EXOC6B: variants seen among roughly 807,000 people sequenced by gnomAD.
The protein encoded by EXOC6B is SEC15 homolog B.
In EXOC6B, 54 loss-of-function variants were observed where a neutral mutation model predicts 113.5. That is an observed-to-expected ratio of 0.48 (90% CI 0.38 to 0.60). EXOC6B has a LOEUF of 0.60. Ranked by LOEUF, EXOC6B falls within the 20% of genes least tolerant of loss-of-function variation. EXOC6B has a pLI of 0.00. For missense variants in EXOC6B, 797 were observed against 977.5 expected (o/e 0.82, Z 2.46); for synonymous variants, 357 against 339.0 (o/e 1.05, Z -0.58).
At chr2:72,777,540 C>G (rs910501045) in intron 1 of EXOC6B, among the ~76,000 whole-genome samples, 59 of 152,116 alleles carry the variant, frequency 3.9e-4, no homozygotes, top group Non-Finnish European at 5.9e-5. Context: ...GACTCTGTCA[C>G]TAGTAAACCT....
chr2:72,448,682 TA>T (rs537706468), intron 18 of EXOC6B, among the ~76,000 whole-genome samples: 46 of 147,792 alleles, frequency 3.1e-4, no homozygotes, highest in African/African-American at 5.2e-4. Context: ...TTTGTACTAC[TA>T]AAAAAAAAAC....
At chr2:72,336,717 A>G (rs1688713292) in intron 19 of EXOC6B, among the ~76,000 whole-genome samples, 1 of 152,142 alleles carries the variant, frequency 6.6e-6, no homozygotes, top group Admixed American at 6.6e-5. Flanking sequence ...TTAAAAGAGT[A>G]AAATTCTGGC....
chr2:72,753,613 T>C (rs1682201651), intron 1 of EXOC6B, among the ~76,000 whole-genome samples: 3 of 152,178 alleles, frequency 2.0e-5, no homozygotes, highest in Admixed American at 1.3e-4. Context: ...TACTTGGAAA[T>C]TGAAAGACAG....
intron 20 of EXOC6B, among the ~76,000 whole-genome samples, chr2:72,299,862 A>G (rs1686392519): frequency 6.6e-6 from 1 of 152,158 alleles, no homozygotes; most frequent in Non-Finnish European, 1.5e-5. Flanking sequence ...GGGTATCACC[A>G]GTGGAGGCTG....
At chr2:72,812,050 A>T (rs1341399907) in intron 1 of EXOC6B, among the ~76,000 whole-genome samples, 1 of 152,206 alleles carries the variant, frequency 6.6e-6, no homozygotes, top group African/African-American at 2.4e-5. Flanking sequence ...CCAGTGAAAT[A>T]AGGAAATAAA....
intron 18 of EXOC6B, among the ~76,000 whole-genome samples, chr2:72,453,638 T>C (rs552760991): frequency 1.3e-5 from 2 of 152,326 alleles, no homozygotes; most frequent in South Asian, 4.1e-4. Context: ...CACTGAATAA[T>C]AGTATTAAAG....
At chr2:72,235,119 T>G (rs956033831) in intron 20 of EXOC6B, among the ~76,000 whole-genome samples, 1 of 152,192 alleles carries the variant, frequency 6.6e-6, no homozygotes, top group Non-Finnish European at 1.5e-5. Context: ...GCAGCACTAT[T>G]CACAATAACA....
intron 6 of EXOC6B, among the ~76,000 whole-genome samples, chr2:72,660,344 T>G (rs749511280): frequency 1.3e-5 from 2 of 152,344 alleles, no homozygotes; most frequent in Non-Finnish European, 1.5e-5. Flanking sequence ...TAGTCTTTTC[T>G]ATTCTCCTAA....
At chr2:72,396,124 C>T (rs1692711300) in intron 18 of EXOC6B, among the ~76,000 whole-genome samples, 1 of 152,002 alleles carries the variant, frequency 6.6e-6, no homozygotes, top group African/African-American at 2.4e-5. Flanking sequence ...GAGAAGAGAA[C>T]ATGAAATGTA....
chr2:72,590,411 A>G (rs1705865083), intron 6 of EXOC6B, among the ~76,000 whole-genome samples: 1 of 151,752 alleles, frequency 6.6e-6, no homozygotes, highest in South Asian at 2.1e-4. Flanking sequence ...ATCAATACAT[A>G]ATAGAAATAT....
At chr2:72,347,252 A>G (rs1328146979) in intron 19 of EXOC6B, among the ~76,000 whole-genome samples, 1 of 152,158 alleles carries the variant, frequency 6.6e-6, no homozygotes. Flanking sequence ...CATAATCTCT[A>G]GGAAAGTTGA....
At chr2:72,420,914 T>G (rs1694832689) in intron 18 of EXOC6B, among the ~76,000 whole-genome samples, 1 of 152,212 alleles carries the variant, frequency 6.6e-6, no homozygotes, top group Non-Finnish European at 1.5e-5. Context: ...TCCTGACTTT[T>G]TAATGACCAC....
intron 6 of EXOC6B, among the ~76,000 whole-genome samples, chr2:72,592,815 T>G (rs1573452787): frequency 6.6e-6 from 1 of 152,168 alleles, no homozygotes; most frequent in African/African-American, 2.4e-5. Flanking sequence ...CCCTTGGAAT[T>G]TCTGAGTGTA....
intron 1 of EXOC6B, among the ~76,000 whole-genome samples, chr2:72,748,143 G>A (rs1266821332): frequency 6.6e-6 from 1 of 152,000 alleles, no homozygotes; most frequent in Non-Finnish European, 1.5e-5. Flanking sequence ...CAGAACCACG[G>A]AGAACTTCAA....
intron 1 of EXOC6B, among the ~76,000 whole-genome samples, chr2:72,812,765 T>C (rs1685992778): frequency 1.3e-5 from 2 of 151,984 alleles, no homozygotes; most frequent in South Asian, 4.1e-4. Flanking sequence ...AAACTTTTGA[T>C]AAAACAAGAT....
At chr2:72,311,399 C>T (rs1687175529) in intron 20 of EXOC6B, among the ~76,000 whole-genome samples, 1 of 152,076 alleles carries the variant, frequency 6.6e-6, no homozygotes, top group South Asian at 2.1e-4. Flanking sequence ...TTATAGAGGC[C>T]ACCCGTACTC....
chr2:72,640,785 C>A (rs1380266683), intron 6 of EXOC6B, among the ~76,000 whole-genome samples: 2 of 151,988 alleles, frequency 1.3e-5, no homozygotes, highest in Non-Finnish European at 2.9e-5. Context: ...AAAAATCTGC[C>A]AAGCAAATAG....
intron 1 of EXOC6B, among the ~76,000 whole-genome samples, chr2:72,823,760 AAC>A (rs1686735329): frequency 2.0e-5 from 3 of 152,180 alleles, no homozygotes; most frequent in African/African-American, 7.2e-5. Flanking sequence ...TAGCCTGAGC[AAC>A]AGAGTGAGAC....
At chr2:72,729,584 C>A (rs1680512980) in intron 5 of EXOC6B, among the ~76,000 whole-genome samples, 1 of 151,752 alleles carries the variant, frequency 6.6e-6, no homozygotes, top group Non-Finnish European at 1.5e-5. Flanking sequence ...CCACCATGCC[C>A]AGCTCCTTTT....
Sources: allele counts gnomAD v4.1 joint callset (sites outside exome capture counted in the v4.1 genomes callset), GRCh38; gene constraint gnomAD v4.1.1; transcripts MANE v1.5; gene names NCBI Gene and HGNC (gene_info 2026-07-23, HGNC 2026-07-21).